The following TTC28 variants were observed in gnomAD, a reference collection of about 807,000 sequenced individuals.
TTC28 encodes tetratricopeptide repeat domain 28, also known as tetratricopeptide repeat protein 28.
TTC28 carries 61 observed loss-of-function variants against 198.0 expected under a neutral mutation model. The ratio of observed to expected loss-of-function variants is 0.31; its 90% CI spans 0.25 to 0.38. The LOEUF is 0.38. TTC28 is among the 10% of genes least tolerant of loss of function. TTC28 has a pLI of 1.00. For synonymous variants in TTC28, 1,171 were observed against 1,297.8 expected, an observed-to-expected ratio of 0.90 and a Z score of 2.10; for missense variants, 2,678 against 3,164.0, an observed-to-expected ratio of 0.85 and a Z score of 3.69.
intron 1 of TTC28, among the ~76,000 whole-genome samples, chr22:28,659,451 T>A (rs1402750326): frequency 6.6e-6 from 1 of 151,928 alleles, no homozygotes; most frequent in African/African-American, 2.4e-5. Context: ...GTGTTTTTAG[T>A]GGAGATGGGG....
At chr22:28,016,033 T>C (rs949423666) in intron 13 of TTC28, among the ~76,000 whole-genome samples, 11 of 152,134 alleles carry the variant, frequency 7.2e-5, no homozygotes, top group African/African-American at 2.4e-4. Context: ...CCAGTGATCT[T>C]GGCAATGCAC....
At chr22:28,450,579 T>C (rs562790897) in intron 2 of TTC28, among the ~76,000 whole-genome samples, 2 of 152,336 alleles carry the variant, frequency 1.3e-5, no homozygotes, top group East Asian at 1.9e-4. Flanking sequence ...CTATATGTTA[T>C]TGTTACTCTA....
At chr22:28,070,570 T>C (rs1183625359) in intron 12 of TTC28, among the ~76,000 whole-genome samples, 1 of 152,112 alleles carries the variant, frequency 6.6e-6, no homozygotes, top group Non-Finnish European at 1.5e-5. Flanking sequence ...TCACCTGAGC[T>C]CAGGAGTTTG....
chr22:28,643,850 G>A lies in TTC28; in HGVS notation c.103-14020C>T, dbSNP rs139289341. Among the ~76,000 whole-genome samples the A allele has an allele frequency of 2.8e-3, 431 of 152,290 alleles. 1 individual carries two copies. Among genetic ancestry groups the A allele is most frequent in the South Asian group, 5.6e-3 (27 of 4,830 alleles). On this transcript the variant is annotated intron_variant, in intron 1 of 22. Coordinates refer to ENST00000397906, the MANE Select transcript of TTC28 (RefSeq NM_001145418.2). Reference sequence around the variant, plus strand: ...GAGCACTTAATATGCCCCTGGCACAGTTCTAAGTACTTTACATATGTTAGC... The same window carrying A: ...GAGCACTTAATATGCCCCTGGCACAATTCTAAGTACTTTACATATGTTAGC...
intron 1 of TTC28, among the ~76,000 whole-genome samples, chr22:28,663,196 C>G (rs1283097627): frequency 2.0e-5 from 3 of 148,716 alleles, no homozygotes; most frequent in South Asian, 2.1e-4. Flanking sequence ...TGCAGTGAGC[C>G]GAGATAGTGC....
At chr22:28,509,939 T>C (rs984712928) in intron 2 of TTC28, among the ~76,000 whole-genome samples, 1 of 152,096 alleles carries the variant, frequency 6.6e-6, no homozygotes, top group Non-Finnish European at 1.5e-5. Flanking sequence ...AAGAAATGGA[T>C]AAATTCCTGG....
At chr22:28,066,418 A>G (rs1261920081) in intron 12 of TTC28, among the ~76,000 whole-genome samples, 1 of 152,096 alleles carries the variant, frequency 6.6e-6, no homozygotes, top group East Asian at 1.9e-4. Flanking sequence ...CATGCTGGAC[A>G]TTAGATCTCT....
chr22:28,632,890 C>G (rs1364406093), intron 1 of TTC28, among the ~76,000 whole-genome samples: 3 of 151,648 alleles, frequency 2.0e-5, no homozygotes, highest in African/African-American at 7.3e-5. Flanking sequence ...TACTGGGAGA[C>G]TAAGATGGGT....
rs1281044984 is a variant in TTC28 at position 27,982,490 on chromosome 22, T to G, written c.7177A>C (p.Ser2393Arg). ...GTMTSKRDVLSLLNLSPRHNK... is the reference protein window; with the variant it reads ...GTMTSKRDVLRLLNLSPRHNK... ...TGCCGTGGTGACAAATTCAACAGAC[T>G]GAGGACATCCCTTTTGGAAGTCATC... Residue 2393 changes from serine to arginine, a missense_variant, in exon 23 of 23, where the codon AGT (serine) becomes CGT (arginine). This residue lies in a region of TTC28 where 622 missense variants were observed against 656.0 expected (regional missense o/e 0.95). Coordinates refer to ENST00000397906, the MANE Select transcript of TTC28 (RefSeq NM_001145418.2). The surrounding 1 kb of genome is among the most constrained non-coding windows in gnomAD (Gnocchi z 5.2). 6.4e-7 allele frequency: 1 copy of G among 1,551,360 alleles called. No homozygotes were observed. The highest frequency in any genetic ancestry group is 8.7e-7 in the Non-Finnish European group (1 of 1,146,966).
chr22:28,199,743 C>T (rs563594526), intron 5 of TTC28, among the ~76,000 whole-genome samples: 7 of 151,798 alleles, frequency 4.6e-5, no homozygotes, highest in Admixed American at 3.9e-4. Context: ...TGTTTAGCAG[C>T]ATCCCTGACC....
At chr22:28,460,502 C>A (rs1168560080) in intron 2 of TTC28, among the ~76,000 whole-genome samples, 4 of 151,052 alleles carry the variant, frequency 2.6e-5, no homozygotes, top group Admixed American at 2.0e-4. Context: ...GCTTTTCTGC[C>A]CAAAAGAATA....
At chr22:28,138,054 T>C (rs1289472604) in intron 6 of TTC28, among the ~76,000 whole-genome samples, 1 of 152,118 alleles carries the variant, frequency 6.6e-6, no homozygotes, top group Non-Finnish European at 1.5e-5. Flanking sequence ...CCACTATGTC[T>C]GGCCCACATT....
At chr22:28,183,784 T>C (rs1395607017) in intron 5 of TTC28, among the ~76,000 whole-genome samples, 1 of 152,176 alleles carries the variant, frequency 6.6e-6, no homozygotes, top group Non-Finnish European at 1.5e-5. Context: ...GCAGGATCTA[T>C]TTAGAATTTC....
At chr22:28,153,395 T>TAA (rs55726442) in intron 6 of TTC28, among the ~76,000 whole-genome samples, 410 of 97,110 alleles carry the variant, frequency 4.2e-3, no homozygotes, top group Middle Eastern at 7.7e-3. Flanking sequence ...CTCAAAGAAT[T>TAA]AAAAAAAAAA....
At chr22:28,259,081 C>T (rs971068854) in intron 5 of TTC28, among the ~76,000 whole-genome samples, 1 of 152,078 alleles carries the variant, frequency 6.6e-6, no homozygotes, top group Non-Finnish European at 1.5e-5. Context: ...GTGGGGAAGT[C>T]ATTGGCAAAA....
chr22:28,274,319 A>C (rs1192711489), intron 5 of TTC28, among the ~76,000 whole-genome samples: 11 of 152,234 alleles, frequency 7.2e-5, no homozygotes. Context: ...ACACATATAC[A>C]CATCAATGAA....
chr22:28,252,716 G>A (rs1165423166), intron 5 of TTC28, among the ~76,000 whole-genome samples: 1 of 152,164 alleles, frequency 6.6e-6, no homozygotes, highest in Non-Finnish European at 1.5e-5. Flanking sequence ...ACTTGACTAT[G>A]GGGACAGGTG....
chr22:28,054,789 G>T (rs919651606), intron 12 of TTC28, among the ~76,000 whole-genome samples: 1 of 152,132 alleles, frequency 6.6e-6, no homozygotes, highest in Non-Finnish European at 1.5e-5. Context: ...CCTCCTCCAT[G>T]AAGGCAATCT....
intron 2 of TTC28, among the ~76,000 whole-genome samples, chr22:28,345,882 A>G (rs1426701006): frequency 6.6e-6 from 1 of 152,236 alleles, no homozygotes; most frequent in Non-Finnish European, 1.5e-5. Context: ...ATATTAAAAC[A>G]TCTCAGAAAA....
Sources: allele counts gnomAD v4.1 joint callset (sites outside exome capture counted in the v4.1 genomes callset), GRCh38; gene constraint gnomAD v4.1.1; regional missense constraint gnomAD v4.1.1; non-coding constraint Gnocchi (gnomAD v3.1); transcripts MANE v1.5; gene names NCBI Gene and HGNC (gene_info 2026-07-23, HGNC 2026-07-21).